Variants in GNA14 observed in about 807,000 individuals in gnomAD.
GNA14 encodes guanine nucleotide-binding protein subunit alpha-14.
GNA14 carries 50 observed loss-of-function variants against 42.0 expected under a neutral mutation model. The ratio of observed to expected loss-of-function variants is 1.19; its 90% CI spans 0.95 to 1.51. GNA14 has a LOEUF of 1.51. Among genes scored for constraint, GNA14 ranks in the 40% most tolerant of loss-of-function variants. GNA14 has a pLI of 0.00. For missense variants in GNA14, 473 were observed against 446.2 expected, an observed-to-expected ratio of 1.06 and a Z score of -0.54; for synonymous variants, 173 against 163.1, an observed-to-expected ratio of 1.06 and a Z score of -0.46.
At chr9:77,455,219 G>A (rs1247849048) in intron 2 of GNA14, among the ~76,000 whole-genome samples, 2 of 152,194 alleles carry the variant, frequency 1.3e-5, no homozygotes, top group Non-Finnish European at 1.5e-5. Context: ...GTCTCTCTCA[G>A]CTCCTAGAGG....
At chr9:77,492,429 AAAAG>A (rs1836790482) in intron 2 of GNA14, among the ~76,000 whole-genome samples, 2 of 152,018 alleles carry the variant, frequency 1.3e-5, no homozygotes, top group East Asian at 1.9e-4. Flanking sequence ...GATTAAGAAA[AAAAG>A]AGAGAGAGAA....
intron 1 of GNA14, among the ~76,000 whole-genome samples, chr9:77,580,911 C>T (rs1054209498): frequency 4.6e-5 from 7 of 151,984 alleles, no homozygotes; most frequent in Non-Finnish European, 1.0e-4. Context: ...TGACGAGTTG[C>T]TCTAGTAACC....
rs146336421 is a variant in GNA14, at chr9:77,570,051, C to T, written c.125-40798G>A. On this transcript the variant is annotated intron_variant, in intron 1 of 6. Coordinates refer to ENST00000341700, the MANE Select transcript of GNA14 (RefSeq NM_004297.4). ...AAGTGCTGGGATTACAGGCATGAGC[C>T]ACCACGCAAAAATCATGGAAGCGAA... Among the ~76,000 whole-genome samples the T allele has an allele frequency of 5.9e-3, 905 of 152,264 alleles. 4 individuals carry two copies. Among genetic ancestry groups the T allele is most frequent in the African/African-American group, 0.021 (852 of 41,550 alleles).
chr9:77,431,815 A>G (rs1425128775), intron 3 of GNA14: 1 of 198,350 alleles, frequency 5.0e-6, no homozygotes, highest in Non-Finnish European at 1.0e-5. Flanking sequence ...CTCCCTCCAG[A>G]GCCCCTTCTC....
At chr9:77,473,626 T>A (rs2131722786) in intron 2 of GNA14, among the ~76,000 whole-genome samples, 1 of 151,838 alleles carries the variant, frequency 6.6e-6, no homozygotes, top group South Asian at 2.1e-4. Context: ...TTTTTTTTTT[T>A]TTTTGGCAGA....
intron 1 of GNA14, among the ~76,000 whole-genome samples, chr9:77,586,032 G>A (rs973238629): frequency 6.6e-6 from 1 of 152,002 alleles, no homozygotes; most frequent in African/African-American, 2.4e-5. Flanking sequence ...GGCTTGCCTT[G>A]TTCTGACCTG....
chr9:77,451,896 C>T (rs1007972787), intron 2 of GNA14, among the ~76,000 whole-genome samples: 2 of 152,168 alleles, frequency 1.3e-5, no homozygotes, highest in Admixed American at 6.6e-5. Flanking sequence ...AAATCCCAAC[C>T]GAGCAACCAG....
At chr9:77,454,419 ACCTGTTAATTCAGGTCT>A (rs1033371784) in intron 2 of GNA14, among the ~76,000 whole-genome samples, 1 of 152,122 alleles carries the variant, frequency 6.6e-6, no homozygotes, top group African/African-American at 2.4e-5. Flanking sequence ...ATCTTGGCAC[ACCTGTTAATTCAGGTCT>A]CCTGCTCTCC....
chr9:77,632,532 T>G (rs1824115506), intron 1 of GNA14, among the ~76,000 whole-genome samples: 2 of 152,240 alleles, frequency 1.3e-5, no homozygotes, highest in Non-Finnish European at 1.5e-5. Flanking sequence ...CTTGCCACAT[T>G]GTGGACAAAG....
At chr9:77,622,754 C>G (rs1217787867) in intron 1 of GNA14, among the ~76,000 whole-genome samples, 1 of 135,374 alleles carries the variant, frequency 7.4e-6, no homozygotes, top group East Asian at 2.2e-4. Context: ...AATAGCCAGG[C>G]GTGGTGGCGG....
At chr9:77,630,347 G>A (rs1824078630) in intron 1 of GNA14, among the ~76,000 whole-genome samples, 1 of 152,016 alleles carries the variant, frequency 6.6e-6, no homozygotes, top group Non-Finnish European at 1.5e-5. Flanking sequence ...CAGACTCCTG[G>A]TCTCCAGCAA....
intron 1 of GNA14, among the ~76,000 whole-genome samples, chr9:77,541,879 ATC>A (rs1432030475): frequency 6.6e-6 from 1 of 152,058 alleles, no homozygotes; most frequent in Non-Finnish European, 1.5e-5. Flanking sequence ...TAATTCCAGA[ATC>A]TCTGTTTTAT....
chr9:77,424,335 G>A (rs759764346), intron 6 of GNA14, among the ~76,000 whole-genome samples, 166 bp from the exon 7 acceptor site: 5 of 152,160 alleles, frequency 3.3e-5, no homozygotes, highest in Non-Finnish European at 7.3e-5. Context: ...CAATTCTCCT[G>A]CCTCAGCCTC....
intron 1 of GNA14, among the ~76,000 whole-genome samples, chr9:77,568,365 GC>G (rs1226949976): frequency 2.6e-5 from 4 of 151,988 alleles, no homozygotes; most frequent in Non-Finnish European, 5.9e-5. Flanking sequence ...GGTGGCACAT[GC>G]CTGTAATCCC....
intron 1 of GNA14, among the ~76,000 whole-genome samples, chr9:77,552,750 C>A (rs1027983097): frequency 6.6e-6 from 1 of 152,152 alleles, no homozygotes; most frequent in African/African-American, 2.4e-5. Flanking sequence ...TATTATTTCA[C>A]CTTAGTTTCT....
chr9:77,473,287 T>C (rs1225916626), intron 2 of GNA14, among the ~76,000 whole-genome samples: 1 of 152,048 alleles, frequency 6.6e-6, no homozygotes, highest in Non-Finnish European at 1.5e-5. Flanking sequence ...AAAAAACCCA[T>C]CTCTACAAAA....
At chr9:77,461,276 A>T (rs1401269563) in intron 2 of GNA14, among the ~76,000 whole-genome samples, 1 of 152,210 alleles carries the variant, frequency 6.6e-6, no homozygotes. Context: ...AACAATGCAG[A>T]ATCTCGGCTC....
chr9:77,586,746 C>T (rs901719224), intron 1 of GNA14, among the ~76,000 whole-genome samples: 3 of 152,170 alleles, frequency 2.0e-5, no homozygotes, highest in Non-Finnish European at 4.4e-5. Flanking sequence ...AAGAAGCTGG[C>T]CACCCCACCC....
chr9:77,509,032 A>G (rs1837118090), intron 2 of GNA14, among the ~76,000 whole-genome samples: 1 of 152,104 alleles, frequency 6.6e-6, no homozygotes, highest in African/African-American at 2.4e-5. Context: ...AACCATCACC[A>G]CCATCCCTCT....
Sources: allele counts gnomAD v4.1 joint callset (sites outside exome capture counted in the v4.1 genomes callset), GRCh38; gene constraint gnomAD v4.1.1; transcripts MANE v1.5; gene names NCBI Gene and HGNC (gene_info 2026-07-23, HGNC 2026-07-21).